The following FGF14 variants were observed in gnomAD, a reference collection of about 807,000 sequenced individuals.
FGF14 encodes the protein fibroblast growth factor homologous factor 4.
Under a neutral mutation model 25.5 loss-of-function variants are expected in FGF14, and 5 were observed. The ratio of observed to expected loss-of-function variants is 0.20; its 90% confidence interval spans 0.10 to 0.41. The LOEUF (loss-of-function observed/expected upper bound fraction) is 0.41, where lower values mean the gene tolerates loss of function less well. Ranked by LOEUF, FGF14 falls within the 10% of genes least tolerant of loss-of-function variation. The pLI is 1.00. For synonymous variants in FGF14, 138 were observed against 118.3 expected (o/e 1.17, Z -1.08); for missense variants, 222 against 320.1 (o/e 0.69, Z 2.34).
chr13:101,797,772 T>C (rs9513956), intron 3 of FGF14, among the ~76,000 whole-genome samples: 10,625 of 145,390 alleles, frequency 0.073, 537 homozygotes, highest in Non-Finnish European at 0.079. Context: ...TGTGTGTGTG[T>C]GTGTGTGTGT....
intron 3 of FGF14, among the ~76,000 whole-genome samples, chr13:101,731,766 C>G (rs1030053880): frequency 1.3e-5 from 2 of 152,206 alleles, no homozygotes; most frequent in African/African-American, 4.8e-5. Context: ...AGTGGTCCAG[C>G]AAACTGACTC....
At chr13:102,331,054 T>A (rs2056619569) in intron 1 of FGF14, among the ~76,000 whole-genome samples, 1 of 152,208 alleles carries the variant, frequency 6.6e-6, no homozygotes. Context: ...GGACGTGTCA[T>A]TGAACCTCAC....
At chr13:101,911,785 C>G (rs1382222288) in intron 1 of FGF14, among the ~76,000 whole-genome samples, 1 of 152,008 alleles carries the variant, frequency 6.6e-6, no homozygotes, top group Non-Finnish European at 1.5e-5. Flanking sequence ...TTATAATTAT[C>G]AAAAAGTTAG....
chr13:102,119,969 T>C (rs977817376), intron 1 of FGF14, among the ~76,000 whole-genome samples: 3 of 152,152 alleles, frequency 2.0e-5, no homozygotes, highest in Non-Finnish European at 4.4e-5. Flanking sequence ...GTGTTGAACA[T>C]TGCCCTCACC....
chr13:101,792,275 G>T (rs2040281159), intron 3 of FGF14, among the ~76,000 whole-genome samples: 1 of 152,052 alleles, frequency 6.6e-6, no homozygotes. Context: ...AAGAGCTGTG[G>T]TCCACACCCA....
At chr13:102,380,391 G>C (rs1318557173) in intron 1 of FGF14, among the ~76,000 whole-genome samples, 1 of 152,028 alleles carries the variant, frequency 6.6e-6, no homozygotes, top group Non-Finnish European at 1.5e-5. Flanking sequence ...CCAAACCCAA[G>C]AAATGTATGA....
intron 1 of FGF14, among the ~76,000 whole-genome samples, chr13:102,171,295 TA>T (rs953726170): frequency 6.6e-6 from 1 of 152,144 alleles, no homozygotes; most frequent in African/African-American, 2.4e-5. Flanking sequence ...CCAAGAACAG[TA>T]ATGAGTTGGT....
intron 1 of FGF14, among the ~76,000 whole-genome samples, chr13:102,217,828 G>A (rs1461914311): frequency 1.3e-5 from 2 of 152,120 alleles, no homozygotes; most frequent in Non-Finnish European, 2.9e-5. Context: ...CCTTGATGAG[G>A]GGAGCACTCT....
chr13:101,848,254 T>C (rs1397472786), intron 3 of FGF14, among the ~76,000 whole-genome samples: 2 of 151,944 alleles, frequency 1.3e-5, no homozygotes, highest in East Asian at 3.9e-4. Flanking sequence ...TTCATACTAC[T>C]GAATACATGG....
chr13:102,362,689 A>C (rs1022618371), intron 1 of FGF14, among the ~76,000 whole-genome samples: 1 of 152,204 alleles, frequency 6.6e-6, no homozygotes, highest in Non-Finnish European at 1.5e-5. Flanking sequence ...TTCTCATAAA[A>C]TTATGAGTTT....
intron 1 of FGF14, among the ~76,000 whole-genome samples, chr13:101,926,368 A>G (rs2034366709): frequency 2.0e-5 from 3 of 152,130 alleles, no homozygotes. Flanking sequence ...TTGAATCTCT[A>G]ATGATTGCCT....
chr13:102,052,811 C>G (rs950938396), intron 1 of FGF14, among the ~76,000 whole-genome samples: 2 of 151,982 alleles, frequency 1.3e-5, no homozygotes, highest in Admixed American at 1.3e-4. Context: ...GAAGAAGATG[C>G]TAATGAGTAA....
chr13:102,009,862 A>G (rs563810473), intron 1 of FGF14, among the ~76,000 whole-genome samples: 2 of 151,406 alleles, frequency 1.3e-5, no homozygotes, highest in Admixed American at 6.6e-5. Flanking sequence ...TTAGAAATAT[A>G]GAGGTTATTA....
chr13:101,740,089 C>A (rs1028859250), intron 3 of FGF14, among the ~76,000 whole-genome samples: 2 of 152,210 alleles, frequency 1.3e-5, no homozygotes, highest in African/African-American at 4.8e-5. Context: ...TCAATCACAA[C>A]CCTTTCAGGT....
At chr13:102,099,151 T>C (rs1428193633) in intron 1 of FGF14, among the ~76,000 whole-genome samples, 1 of 152,134 alleles carries the variant, frequency 6.6e-6, no homozygotes. Flanking sequence ...TCTTCTCCAA[T>C]TGACCATACA....
At chr13:102,348,334 C>T (rs186778696) in intron 1 of FGF14, among the ~76,000 whole-genome samples, 5 of 152,152 alleles carry the variant, frequency 3.3e-5, no homozygotes, top group East Asian at 3.9e-4. Flanking sequence ...GGAGATGTTA[C>T]GGGATACAGC....
chr13:102,068,495 A>G (rs1486980773), intron 1 of FGF14, among the ~76,000 whole-genome samples: 1 of 152,166 alleles, frequency 6.6e-6, no homozygotes, highest in Non-Finnish European at 1.5e-5. Flanking sequence ...AGCGGGAACC[A>G]GGGCTGCGTA....
At chr13:101,954,213 A>G (rs1301823478) in intron 1 of FGF14, among the ~76,000 whole-genome samples, 2 of 151,978 alleles carry the variant, frequency 1.3e-5, no homozygotes, top group Non-Finnish European at 2.9e-5. Flanking sequence ...TCAACTCTGT[A>G]ACGTCAAAAA....
chr13:102,011,689 T>C (rs1184310829), intron 1 of FGF14, among the ~76,000 whole-genome samples: 1 of 151,982 alleles, frequency 6.6e-6, no homozygotes, highest in African/African-American at 2.4e-5. Context: ...ATACAGGGAG[T>C]GGCAGTCTTT....
Sources: gnomAD v4.1 joint callset for allele counts (sites outside exome capture counted in the v4.1 genomes callset) on GRCh38, gnomAD v4.1.1 for gene constraint, MANE v1.5 for transcripts, NCBI Gene and HGNC (gene_info 2026-07-23, HGNC 2026-07-21) for gene names.